Variants in ARHGAP26 observed in about 807,000 individuals in gnomAD.
ARHGAP26 encodes the protein rho GTPase-activating protein 26.
In ARHGAP26, 38 loss-of-function variants were observed where a neutral mutation model predicts 104.8. The ratio of observed to expected loss-of-function variants is 0.36; its 90% CI spans 0.28 to 0.48. ARHGAP26 has a LOEUF of 0.48. ARHGAP26 is among the 20% of genes least tolerant of loss of function. ARHGAP26 has a pLI of 0.99. For missense variants in ARHGAP26, 704 were observed against 947.9 expected (o/e 0.74, Z 3.38); for synonymous variants, 341 against 340.0 (o/e 1.00, Z -0.03).
intron 20 of ARHGAP26, among the ~76,000 whole-genome samples, chr5:143,199,631 A>G (rs115270716): frequency 6.6e-6 from 1 of 152,326 alleles, no homozygotes; most frequent in Non-Finnish European, 1.5e-5. Flanking sequence ...CTAACAGTCT[A>G]ACCTGGAAGG....
chr5:143,134,052 C>G lies in ARHGAP26; in HGVS notation c.1784C>G (p.Ser595Cys). Reference protein sequence around the residue: ...RKKSSDSKPPSCSERPLTLFH... With the variant: ...RKKSSDSKPPCCSERPLTLFH... ...AAGAGCAGTGACTCCAAGCCCCCGT[C>G]CTGCAGCGAGAGGCCCCTGACGCTC... The change falls in exon 19 of 23, where the codon TCC (serine) becomes TGC (cysteine). Residue 595 changes from serine to cysteine, a missense_variant. By Grantham distance (112) the Ser-to-Cys change is moderately radical. Around this residue, in one of 6 missense-constraint regions of ARHGAP26, gnomAD observed 217 missense variants for 242.6 expected, o/e 0.89. Transcript: ENST00000645722. 1.9e-6 allele frequency: 3 copies of G among 1,612,914 alleles called. No individual in the cohort carries two copies. Among genetic ancestry groups the G allele is most frequent in the Non-Finnish European group, 2.5e-6 (3 of 1,179,412 alleles).
intron 20 of ARHGAP26, among the ~76,000 whole-genome samples, chr5:143,155,945 G>A (rs1296699954): frequency 2.0e-5 from 3 of 152,120 alleles, no homozygotes; most frequent in Non-Finnish European, 4.4e-5. Flanking sequence ...GCCCTCAAAT[G>A]CCTTATGACA....
chr5:143,141,465 T>G (rs1328737865), intron 19 of ARHGAP26, among the ~76,000 whole-genome samples: 2 of 152,226 alleles, frequency 1.3e-5, no homozygotes, highest in East Asian at 3.8e-4. Context: ...GATATCTGTG[T>G]GCAGATGCAA....
chr5:142,795,239 G>A (rs554183508), intron 1 of ARHGAP26, among the ~76,000 whole-genome samples: 8 of 152,170 alleles, frequency 5.3e-5, no homozygotes, highest in Admixed American at 1.3e-4. Context: ...CAGAAACTCA[G>A]TTGCCTCAGT....
intron 12 of ARHGAP26, among the ~76,000 whole-genome samples, chr5:143,020,761 C>T (rs1780236825): frequency 6.6e-6 from 1 of 151,582 alleles, no homozygotes. Flanking sequence ...GCCTCAGCCT[C>T]CCAAGTAGCT....
At chr5:142,989,146 A>G (rs1226021092) in intron 11 of ARHGAP26, among the ~76,000 whole-genome samples, 1 of 152,114 alleles carries the variant, frequency 6.6e-6, no homozygotes. Context: ...GTAGGTCTCT[A>G]AGGACTTGCT....
At chr5:142,823,236 C>T (rs957008417) in intron 1 of ARHGAP26, among the ~76,000 whole-genome samples, 1 of 152,152 alleles carries the variant, frequency 6.6e-6, no homozygotes, top group Non-Finnish European at 1.5e-5. Flanking sequence ...GCATTTAATT[C>T]TCTTCAGGTA....
intron 18 of ARHGAP26, among the ~76,000 whole-genome samples, chr5:143,121,653 G>A (rs993714647): frequency 5.3e-5 from 8 of 152,030 alleles, no homozygotes; most frequent in Non-Finnish European, 1.2e-4. Context: ...TTTTTGTACC[G>A]TTTGTGTGCG....
intron 20 of ARHGAP26, among the ~76,000 whole-genome samples, chr5:143,162,780 C>A (rs1363325655): frequency 6.6e-6 from 1 of 152,178 alleles, no homozygotes; most frequent in African/African-American, 2.4e-5. Context: ...CAGAATCGGC[C>A]AGCTCTGACA....
intron 1 of ARHGAP26, among the ~76,000 whole-genome samples, chr5:142,776,840 T>C (rs1021748805): frequency 6.6e-6 from 1 of 152,234 alleles, no homozygotes; most frequent in Non-Finnish European, 1.5e-5. Flanking sequence ...AAACCTACCA[T>C]ACTGTTTTCC....
intron 18 of ARHGAP26, among the ~76,000 whole-genome samples, chr5:143,130,219 C>G (rs187537968): frequency 2.2e-4 from 34 of 152,320 alleles, no homozygotes; most frequent in Admixed American, 2.2e-3. Context: ...ATTTATGGAT[C>G]TGCTAATTCC....
chr5:143,105,655 C>T (rs1239943741), intron 17 of ARHGAP26, among the ~76,000 whole-genome samples: 1 of 152,132 alleles, frequency 6.6e-6, no homozygotes, highest in Non-Finnish European at 1.5e-5. Context: ...GTCTCATAGC[C>T]TTGCAGCACT....
At chr5:143,029,252 G>C (rs1325927179) in intron 12 of ARHGAP26, among the ~76,000 whole-genome samples, 1 of 152,102 alleles carries the variant, frequency 6.6e-6, no homozygotes, top group Non-Finnish European at 1.5e-5. Context: ...GGCCAACCAG[G>C]CTCTATAAAG....
intron 12 of ARHGAP26, among the ~76,000 whole-genome samples, chr5:143,015,798 A>T (rs576236999): frequency 6.6e-6 from 1 of 152,358 alleles, no homozygotes; most frequent in Admixed American, 6.5e-5. Context: ...TTGTGACCTT[A>T]TGAACCTACA....
At chr5:142,980,801 T>G (rs1436573656) in intron 11 of ARHGAP26, among the ~76,000 whole-genome samples, 3 of 152,220 alleles carry the variant, frequency 2.0e-5, no homozygotes, top group African/African-American at 7.2e-5. Context: ...TTAGTAAATA[T>G]TGCCACATAG....
At chr5:142,840,507 G>A (rs1010570590) in intron 1 of ARHGAP26, among the ~76,000 whole-genome samples, 6 of 152,130 alleles carry the variant, frequency 3.9e-5, no homozygotes, top group Admixed American at 3.9e-4. Context: ...GACAGCCAAG[G>A]TTCTACTCTT....
At chr5:142,983,166 C>A (rs1220960325) in intron 11 of ARHGAP26, among the ~76,000 whole-genome samples, 2 of 152,128 alleles carry the variant, frequency 1.3e-5, no homozygotes, top group African/African-American at 4.8e-5. Flanking sequence ...CCTTATCTTC[C>A]CTTGCTACCC....
rs1803444332 is a variant in ARHGAP26, at chr5:143,176,151, C to T, written c.1988+28770C>T. On this transcript the variant is annotated intron_variant, in intron 20 of 22. Transcript: ENST00000645722. ...AAATAAATAAATAAATGAAATATGA[C>T]ACGTGACAATGAAACAGAATTGTCT... Among the ~76,000 whole-genome samples, 3 of 152,086 alleles carry T rather than the reference C, an allele frequency of 2.0e-5. No homozygotes were observed. In the South Asian group the frequency reaches 6.2e-4, roughly 32 times the overall value.
At chr5:142,975,835 A>G (rs2152713695) in intron 11 of ARHGAP26, among the ~76,000 whole-genome samples, 1 of 152,324 alleles carries the variant, frequency 6.6e-6, no homozygotes, top group Middle Eastern at 3.4e-3. Flanking sequence ...AAATTGGTTG[A>G]GGTGTACCAT....
Sources: allele counts gnomAD v4.1 joint callset (sites outside exome capture counted in the v4.1 genomes callset), GRCh38; gene constraint gnomAD v4.1.1; regional missense constraint gnomAD v4.1.1; transcripts MANE v1.5; gene names NCBI Gene and HGNC (gene_info 2026-07-23, HGNC 2026-07-21).